Variants in TMEM132D observed in about 807,000 individuals in gnomAD.
TMEM132D encodes the protein transmembrane protein 132D.
In TMEM132D, 21 loss-of-function variants were observed where a neutral mutation model predicts 62.3. That is an observed-to-expected ratio of 0.34 (90% CI 0.24 to 0.49). The LOEUF (loss-of-function observed/expected upper bound fraction) is 0.49. Ranked by LOEUF, TMEM132D falls within the 20% of genes least tolerant of loss-of-function variation. TMEM132D has a pLI of 0.99. For missense variants in TMEM132D, 1,346 were observed against 1,402.8 expected (o/e 0.96, Z 0.65); for synonymous variants, 621 against 575.6 (o/e 1.08, Z -1.13).
At chr12:129,537,917 C>A (rs1876447818) in intron 2 of TMEM132D, among the ~76,000 whole-genome samples, 1 of 117,314 alleles carries the variant, frequency 8.5e-6, no homozygotes, top group Non-Finnish European at 1.7e-5. Context: ...TTAGAAAGCA[C>A]AAAATACACT....
intron 2 of TMEM132D, among the ~76,000 whole-genome samples, chr12:129,698,539 G>GA (rs1881265628): frequency 4.8e-5 from 1 of 21,022 alleles, no homozygotes. Context: ...GAGAGGGGAA[G>GA]GGAGGGGAGG....
chr12:129,525,226 GTTT>G (rs765569025), intron 3 of TMEM132D, among the ~76,000 whole-genome samples: 8,123 of 67,260 alleles, frequency 0.12, 1,589 homozygotes, highest in Admixed American at 0.29. Context: ...TGCCCAGCCG[GTTT>G]TTTTTTTTTT....
At chr12:129,355,321 G>C (rs1441726899) in intron 3 of TMEM132D, among the ~76,000 whole-genome samples, 1 of 151,352 alleles carries the variant, frequency 6.6e-6, no homozygotes, top group Admixed American at 6.6e-5. Flanking sequence ...ACTCAACATA[G>C]TAGGATAGGT....
rs549363041 is a variant in TMEM132D at position 129,140,877 on chromosome 12, G to A, written c.1444-56175C>T. ...AAAATTTCTGTGATTCACCCATATT[G>A]TTGAAGGTATCAATAGTTCTTTCCT... is the stretch of plus-strand genomic sequence containing the variant. On this transcript the variant is annotated intron_variant, in intron 5 of 8. Transcript: ENST00000422113. Among the ~76,000 whole-genome samples the A allele has an allele frequency of 1.7e-3, 264 of 151,510 alleles. 1 individual carries two copies. Among genetic ancestry groups the A allele is most frequent in the African/African-American group, 5.9e-3 (245 of 41,346 alleles).
At chr12:129,408,800 G>C (rs1002300293) in intron 3 of TMEM132D, among the ~76,000 whole-genome samples, 1 of 152,194 alleles carries the variant, frequency 6.6e-6, no homozygotes, top group South Asian at 2.1e-4. Context: ...GTCATATTTT[G>C]TCAGAGTTTC....
At chr12:129,257,871 G>C (rs752605818) in intron 4 of TMEM132D, among the ~76,000 whole-genome samples, 10 of 152,186 alleles carry the variant, frequency 6.6e-5, no homozygotes, top group Non-Finnish European at 1.0e-4. Flanking sequence ...TAGTGACATT[G>C]CTTGAGCTCC....
At chr12:129,275,127 A>G (rs1008159178) in intron 4 of TMEM132D, among the ~76,000 whole-genome samples, 2 of 151,948 alleles carry the variant, frequency 1.3e-5, no homozygotes, top group African/African-American at 2.4e-5. Flanking sequence ...AAAAACTTAA[A>G]CAATTAGCCA....
At chr12:129,233,663 G>T (rs917625751) in intron 4 of TMEM132D, among the ~76,000 whole-genome samples, 4 of 151,874 alleles carry the variant, frequency 2.6e-5, no homozygotes, top group Non-Finnish European at 5.9e-5. Context: ...TTTCACTCTT[G>T]TTGCCCAGGC....
chr12:129,236,239 G>A (rs1020281681), intron 4 of TMEM132D, among the ~76,000 whole-genome samples: 5 of 151,730 alleles, frequency 3.3e-5, no homozygotes, highest in African/African-American at 9.7e-5. Context: ...TGTATGGGCC[G>A]GGTGCAGTGG....
intron 4 of TMEM132D, among the ~76,000 whole-genome samples, chr12:129,276,211 A>G (rs1881004083): frequency 3.3e-5 from 5 of 152,220 alleles, no homozygotes; most frequent in Admixed American, 3.3e-4. Flanking sequence ...TAATTCATTG[A>G]CCATTCTTCC....
At chr12:129,797,660 G>C (rs1416766923) in intron 1 of TMEM132D, among the ~76,000 whole-genome samples, 1 of 152,192 alleles carries the variant, frequency 6.6e-6, no homozygotes, top group African/African-American at 2.4e-5. Context: ...CTTCCTGTGT[G>C]TTGTTCCCCA....
chr12:129,526,489 T>A (rs1876044047), intron 3 of TMEM132D, among the ~76,000 whole-genome samples: 1 of 152,152 alleles, frequency 6.6e-6, no homozygotes, highest in South Asian at 2.1e-4. Flanking sequence ...TTCACCATAT[T>A]GGCCAGGATG....
intron 2 of TMEM132D, among the ~76,000 whole-genome samples, chr12:129,634,849 A>G (rs930413681): frequency 2.6e-5 from 4 of 152,182 alleles, no homozygotes; most frequent in African/African-American, 9.7e-5. Context: ...CTAAGAGTTT[A>G]CAAATATAAA....
At chr12:129,593,217 C>G (rs1204364850) in intron 2 of TMEM132D, among the ~76,000 whole-genome samples, 7 of 152,196 alleles carry the variant, frequency 4.6e-5, no homozygotes, top group Admixed American at 4.6e-4. Flanking sequence ...AGCTTAGAAG[C>G]TGCAAGAATA....
chr12:129,701,807 T>A (rs946104744), intron 1 of TMEM132D, among the ~76,000 whole-genome samples: 12 of 152,332 alleles, frequency 7.9e-5, no homozygotes, highest in African/African-American at 2.9e-4. Flanking sequence ...TAATTATCTT[T>A]GATTACTCGG....
intron 3 of TMEM132D, among the ~76,000 whole-genome samples, chr12:129,438,982 C>T (rs1380745471): frequency 6.6e-6 from 1 of 152,176 alleles, no homozygotes; most frequent in Non-Finnish European, 1.5e-5. Flanking sequence ...TCACTTTGGC[C>T]ATCTCTGCTG....
At chr12:129,697,607 A>G (rs1881238042) in intron 2 of TMEM132D, among the ~76,000 whole-genome samples, 1 of 152,208 alleles carries the variant, frequency 6.6e-6, no homozygotes. Flanking sequence ...TTGAATTGAC[A>G]TTTCTAATTG....
chr12:129,531,131 C>A lies in TMEM132D; in HGVS notation c.1043G>T (p.Arg348Leu), dbSNP rs181556630. 2 of 1,613,902 alleles carry A rather than the reference C, an allele frequency of 1.2e-6. No homozygotes were observed. The highest frequency in any genetic ancestry group is 2.2e-5 in the South Asian group (2 of 91,046). The change falls in exon 3 of 9, where the codon CGC (arginine) becomes CTC (leucine). Residue 348 changes from arginine (R) to leucine (L), a missense_variant. Transcript: ENST00000422113. The stretch of plus-strand genomic sequence containing the variant: ...TGCATACTTTCCAGTATAATCCGTG[C>A]GCTCCTTGACATCCCAAATGGAAGG... ...SSPSIWDVKERTDYTGKYAPA... is the reference protein window; with the variant it reads ...SSPSIWDVKELTDYTGKYAPA...
chr12:129,205,190 T>C (rs1181711891), intron 5 of TMEM132D, among the ~76,000 whole-genome samples: 1 of 152,112 alleles, frequency 6.6e-6, no homozygotes, highest in Non-Finnish European at 1.5e-5. Context: ...GTAAATGGGC[T>C]AAATGCCTCA....
Sources: allele counts gnomAD v4.1 joint callset (sites outside exome capture counted in the v4.1 genomes callset), GRCh38; gene constraint gnomAD v4.1.1; transcripts MANE v1.5; gene names NCBI Gene and HGNC (gene_info 2026-07-23, HGNC 2026-07-21).